Variants in SEZ6L observed in about 807,000 individuals in gnomAD.
SEZ6L encodes seizure 6-like protein.
Under a neutral mutation model 106.2 loss-of-function variants are expected in SEZ6L, and 37 were observed. That is an observed-to-expected ratio of 0.35 (90% CI 0.27 to 0.46). The LOEUF (loss-of-function observed/expected upper bound fraction) is 0.46, where lower values mean the gene tolerates loss of function less well. Ranked by LOEUF, SEZ6L falls within the 20% of genes least tolerant of loss-of-function variation. The pLI, the probability that SEZ6L is intolerant of heterozygous loss-of-function variation, is 1.00. For missense variants in SEZ6L, 1,172 were observed against 1,332.8 expected (o/e 0.88, Z 1.88); for synonymous variants, 541 against 570.4 (o/e 0.95, Z 0.73).
intron 9 of SEZ6L, among the ~76,000 whole-genome samples, chr22:26,315,697 A>C (rs1344312977): frequency 6.6e-6 from 1 of 152,086 alleles, no homozygotes; most frequent in Non-Finnish European, 1.5e-5. Flanking sequence ...GTCTTGGAAC[A>C]TCAGTGCTTT....
chr22:26,370,036 T>G lies in SEZ6L; in HGVS notation c.2795-3415T>G, dbSNP rs550247176. 1.2e-4 allele frequency among the ~76,000 whole-genome samples: 19 copies of G among 152,354 alleles called. No individual in the cohort carries two copies. In the South Asian group the frequency reaches 3.9e-3, roughly 32 times the overall value. ...CACATGGACATTAATAGAAATTAATTTGACATTGTTGATGAGTTTTCTGCA... is the reference window on the plus strand; with the variant it reads ...CACATGGACATTAATAGAAATTAATGTGACATTGTTGATGAGTTTTCTGCA... On this transcript the variant is annotated intron_variant, in intron 13 of 16. Coordinates refer to ENST00000248933, the MANE Select transcript of SEZ6L (RefSeq NM_021115.5).
At chr22:26,292,054 A>T (rs1176842839) in intron 1 of SEZ6L, among the ~76,000 whole-genome samples, 2 of 151,086 alleles carry the variant, frequency 1.3e-5, no homozygotes, top group East Asian at 3.9e-4. Context: ...GAAGGAAAGA[A>T]GGAAGGAAAT....
intron 16 of SEZ6L, 151 bp from the exon 17 acceptor site, chr22:26,380,115 T>C: frequency 1.5e-6 from 1 of 653,184 alleles, no homozygotes. Context: ...TTATAACCCA[T>C]TGGCAAAAGC....
intron 13 of SEZ6L, among the ~76,000 whole-genome samples, chr22:26,368,277 G>A (rs2083888032): frequency 6.6e-6 from 1 of 152,118 alleles, no homozygotes; most frequent in Non-Finnish European, 1.5e-5. Context: ...AGTGAAACAG[G>A]TATTTAAGCA....
chr22:26,290,486 C>G (rs1450788258), intron 1 of SEZ6L, among the ~76,000 whole-genome samples: 2 of 152,084 alleles, frequency 1.3e-5, no homozygotes, highest in African/African-American at 4.8e-5. Flanking sequence ...GAGCCGAGAT[C>G]GCGCCACTGC....
At chr22:26,265,614 C>T (rs554884049) in intron 1 of SEZ6L, among the ~76,000 whole-genome samples, 8 of 152,286 alleles carry the variant, frequency 5.3e-5, no homozygotes, top group Admixed American at 2.0e-4. Context: ...AGCCTGCCTT[C>T]GTTCCTATCC....
rs574682582 is a variant in SEZ6L at position 26,222,402 on chromosome 22, G to A, written c.94+52639G>A. Among the ~76,000 whole-genome samples the A allele has an allele frequency of 2.0e-5, 3 of 152,340 alleles. No homozygotes were observed. The East Asian group carries it at 5.8e-4, about 29-fold the overall frequency. On this transcript the variant is annotated intron_variant, in intron 1 of 16. Coordinates refer to ENST00000248933, the MANE Select transcript of SEZ6L (RefSeq NM_021115.5). ...TGAAACACAAACCGAAGACCTCACT[G>A]GCCAGCTGCCTTTACTCCATTGCAT...
intron 1 of SEZ6L, among the ~76,000 whole-genome samples, chr22:26,217,206 C>G (rs1471544116): frequency 6.6e-6 from 1 of 152,194 alleles, no homozygotes; most frequent in East Asian, 1.9e-4. Context: ...CCCCAGAATG[C>G]CCCATTCTTC....
At chr22:26,219,254 G>GTGTTTTTTTTTTTTTTTTTTTTTTTTT (rs1556124260) in intron 1 of SEZ6L, among the ~76,000 whole-genome samples, 1 of 135,088 alleles carries the variant, frequency 7.4e-6, no homozygotes, top group Non-Finnish European at 1.6e-5. Context: ...AGAAATACAA[G>GTGTTTTTTTTTTTTTTTTTTTTTTTTT]TTTTTTTTTT....
intron 1 of SEZ6L, among the ~76,000 whole-genome samples, chr22:26,221,196 C>T: frequency 6.6e-6 from 1 of 151,992 alleles, no homozygotes; most frequent in South Asian, 2.1e-4. Flanking sequence ...TTCACCTGAC[C>T]TTCCCTTCAT....
chr22:26,273,228 TC>T (rs1401146917), intron 1 of SEZ6L, among the ~76,000 whole-genome samples: 1 of 152,228 alleles, frequency 6.6e-6, no homozygotes, highest in East Asian at 1.9e-4. Context: ...TAAAAGGGCA[TC>T]TTTCCCCCAC....
In SEZ6L at chr22:26,234,943, C is replaced by T. The variant is rs114541248; in HGVS notation, c.95-57463C>T. Among the ~76,000 whole-genome samples, 967 of 152,206 alleles carry T rather than the reference C, an allele frequency of 6.4e-3. 14 individuals are homozygous for T. Among genetic ancestry groups the T allele is most frequent in the African/African-American group, 0.022 (934 of 41,526 alleles). ...GTAGGAGTTCAACAGGGTAGAGATA[C>T]CCCCAACGGCTGATACTGGGAGGAA... On this transcript the variant is annotated intron_variant, in intron 1 of 16. Coordinates refer to ENST00000248933, the MANE Select transcript of SEZ6L (RefSeq NM_021115.5).
At chr22:26,308,723 G>A (rs1254444168) in intron 6 of SEZ6L, among the ~76,000 whole-genome samples, 2 of 152,134 alleles carry the variant, frequency 1.3e-5, no homozygotes, top group Admixed American at 1.3e-4. Flanking sequence ...TTTGACCATA[G>A]ACTATTAAGA....
At chr22:26,207,683 C>A (rs1163165457) in intron 1 of SEZ6L, among the ~76,000 whole-genome samples, 2 of 151,716 alleles carry the variant, frequency 1.3e-5, no homozygotes, top group African/African-American at 2.4e-5. Context: ...TTTTGCTATA[C>A]ATTTTTGCAT....
chr22:26,349,541 AT>A (rs1353346221), intron 11 of SEZ6L, among the ~76,000 whole-genome samples: 16 of 152,214 alleles, frequency 1.1e-4, no homozygotes, highest in Non-Finnish European at 2.4e-4. Context: ...AGACATCTAT[AT>A]ATGTGTCATC....
chr22:26,212,807 G>A (rs2078198642), intron 1 of SEZ6L, among the ~76,000 whole-genome samples: 1 of 152,160 alleles, frequency 6.6e-6, no homozygotes, highest in African/African-American at 2.4e-5. Context: ...CTGGAGATGA[G>A]AGGAAAAGCC....
At chr22:26,379,331 G>T (rs1292835902) in intron 16 of SEZ6L, among the ~76,000 whole-genome samples, 1 of 152,146 alleles carries the variant, frequency 6.6e-6, no homozygotes, top group Admixed American at 6.5e-5. Flanking sequence ...CCTAGCACCT[G>T]TGTATTCTCC....
At chr22:26,270,096 A>G (rs1242875598) in intron 1 of SEZ6L, among the ~76,000 whole-genome samples, 1 of 152,216 alleles carries the variant, frequency 6.6e-6, no homozygotes, top group East Asian at 1.9e-4. Context: ...CTTCATGTTG[A>G]CAATTTCATT....
chr22:26,190,235 A>G (rs1429440934), intron 1 of SEZ6L, among the ~76,000 whole-genome samples: 3 of 152,208 alleles, frequency 2.0e-5, no homozygotes, highest in African/African-American at 7.2e-5. Flanking sequence ...AGCTGAGGTT[A>G]CCACGAAACA....
Sources: allele counts gnomAD v4.1 joint callset (sites outside exome capture counted in the v4.1 genomes callset), GRCh38; gene constraint gnomAD v4.1.1; transcripts MANE v1.5; gene names NCBI Gene and HGNC (gene_info 2026-07-23, HGNC 2026-07-21).